PCNX3: variants seen among roughly 807,000 people sequenced by gnomAD.
PCNX3 encodes the protein pecanex-like protein 3.
PCNX3 carries 58 observed loss-of-function variants against 207.2 expected under a neutral mutation model. That is an observed-to-expected ratio of 0.28 (90% CI 0.23 to 0.35). The LOEUF (loss-of-function observed/expected upper bound fraction) is 0.35. Ranked by LOEUF, PCNX3 falls within the 10% of genes least tolerant of loss-of-function variation. The probability of loss-of-function intolerance (pLI) is 1.00; values close to 1 mark genes in which losing one functional copy is unlikely to be tolerated. For missense variants in PCNX3, 2,410 were observed against 2,774.4 expected, an observed-to-expected ratio of 0.87 and a Z score of 2.95; for synonymous variants, 1,337 against 1,183.5, an observed-to-expected ratio of 1.13 and a Z score of -2.66.
Position 65,624,532 on chromosome 11 carries a change from C to T in PCNX3, c.2778C>T (p.Cys926=), listed in dbSNP as rs1224980113. Residue 926 remains cysteine (C), a synonymous_variant, in exon 15 of 35, where the codon TGC becomes TGT. Transcript: ENST00000355703. The part of the protein sequence containing the change: ...LLGLLPQVNT[C]LMYLLEQIDM... ...GCCTCCTGCCCCAGGTCAACACCTGCCTCATGTACCTGCTGGAGCAAATAG... is the reference window on the plus strand; with the variant it reads ...GCCTCCTGCCCCAGGTCAACACCTGTCTCATGTACCTGCTGGAGCAAATAG... 5 of 1,609,330 alleles carry T rather than the reference C, an allele frequency of 3.1e-6. No individual in the cohort carries two copies. The highest frequency in any genetic ancestry group is 2.2e-5 in the East Asian group (1 of 44,770).
chr11:65,617,210 G>A (rs949548670), intron 2 of PCNX3, 40 bp from the exon 3 acceptor site: 161 of 1,542,300 alleles, frequency 1.0e-4, no homozygotes, highest in Non-Finnish European at 1.3e-4. Flanking sequence ...ATACACAGAG[G>A]AGAGGTTAGC....
In PCNX3 at chr11:65,618,477, C is replaced by T. The variant is rs1313936041; in HGVS notation, c.1115C>T (p.Pro372Leu). 8.7e-6 allele frequency: 14 copies of T among 1,608,286 alleles called. No individual in the cohort carries two copies. Among genetic ancestry groups the T allele is most frequent in the Middle Eastern group, 3.3e-4 (2 of 6,078 alleles). Residue 372 changes from proline to leucine, a missense_variant, in exon 6 of 35, where the codon CCG becomes CTG. Transcript: ENST00000355703. ...FDTVIGAGTPPGLAEPLLVVR... is the reference protein window; with the variant it reads ...FDTVIGAGTPLGLAEPLLVVR... The stretch of plus-strand genomic sequence containing the variant: ...ACGGTCATTGGAGCAGGGACGCCAC[C>T]GGGCCTGGCTGAGCCGCTCCTGGTC...
rs201643872 is a variant in PCNX3, at chr11:65,635,229, G to A, written c.4965G>A (p.Thr1655=). The change falls in exon 31 of 35, where the codon ACG becomes ACA. Residue 1655 remains threonine (T), a synonymous_variant. Transcript: ENST00000355703. The surrounding 1 kb of genome is among the most constrained non-coding windows in gnomAD (Gnocchi z 9.9). The stretch of plus-strand genomic sequence containing the variant: ...GTCTTCTCTACCAGGACCACTTCAC[G>A]TCCCCAGATGAATATGAGGAGCCAG... ...MALKLHQDHF[T]SPDEYEEPAA... 9 of 1,587,066 alleles carry A rather than the reference G, an allele frequency of 5.7e-6. No homozygotes were observed. The highest frequency in any genetic ancestry group is 2.3e-5 in the East Asian group (1 of 43,286).
Position 65,625,043 on chromosome 11 carries a change from A to G in PCNX3, c.2919+27A>G, listed in dbSNP as rs1294031997. 6.2e-7 allele frequency: 1 copy of G among 1,601,184 alleles called. No individual in the cohort carries two copies. The highest frequency in any genetic ancestry group is 8.5e-7 in the Non-Finnish European group (1 of 1,171,236). Reference sequence around the variant, plus strand: ...TAGGGGTGGCTTGCGAGGTGGGGGCATGCTGCAGTGCGTAAGGGTGGTTGG... The same window carrying G: ...TAGGGGTGGCTTGCGAGGTGGGGGCGTGCTGCAGTGCGTAAGGGTGGTTGG... On this transcript the variant is annotated intron_variant, in intron 16 of 34. Coordinates refer to ENST00000355703, the MANE Select transcript of PCNX3 (RefSeq NM_032223.4). This position sits in a 1 kb window ranked among gnomAD's most constrained non-coding sequence, Gnocchi z 5.6.
In PCNX3 at chr11:65,618,876, G is replaced by T. The variant is rs199910217; in HGVS notation, c.1514G>T (p.Ser505Ile). 378 of 1,610,602 alleles carry T rather than the reference G, an allele frequency of 2.3e-4. No homozygotes were observed. The highest frequency in any genetic ancestry group is 3.1e-4 in the Non-Finnish European group (370 of 1,179,094). ...GCTAAAACACATGCCCGTGTGCTGA[G>T]CATGGATGGGGCTGGGGGTGATGTT... ...ASAKTHARVL[S>I]MDGAGGDVLR... Residue 505 changes from serine (S) to isoleucine (I), a missense_variant, in exon 6 of 35, where the codon AGC becomes ATC. Coordinates refer to ENST00000355703, the MANE Select transcript of PCNX3 (RefSeq NM_032223.4).
chr11:65,617,377 C>T (rs375864458), intron 3 of PCNX3, 28 bp downstream of exon 3: 18 of 1,613,172 alleles, frequency 1.1e-5, no homozygotes, highest in African/African-American at 2.7e-5. Flanking sequence ...TCAGCTTGTC[C>T]TCCTGTCCCT....
Position 65,618,658 on chromosome 11 carries a change from G to C in PCNX3, c.1296G>C (p.Pro432=). The change falls in exon 6 of 35, where the codon CCG becomes CCC. Residue 432 remains proline (P), a synonymous_variant. Coordinates refer to ENST00000355703, the MANE Select transcript of PCNX3 (RefSeq NM_032223.4). ...CTAGTGAGGGCAGTGAACTGAGCCCGGCCTCCAGTCTCCGATCGCAGCGCC... is the reference window on the plus strand; with the variant it reads ...CTAGTGAGGGCAGTGAACTGAGCCCCGCCTCCAGTCTCCGATCGCAGCGCC... ...EDTSEGSELS[P]ASSLRSQRRY... The C allele has an allele frequency of 1.2e-6, 2 of 1,613,218 alleles. No individual in the cohort carries two copies. Among genetic ancestry groups the C allele is most frequent in the Non-Finnish European group, 1.7e-6 (2 of 1,179,838 alleles).
At position 65,625,122 on chromosome 11, in the gene PCNX3, G is replaced by T; in HGVS notation, c.2920-49G>T. ...GGCTTCTCACACGGGGGCAGCCCGG[G>T]CCCCATGCTTACCTCACCTCCCCTG... On this transcript the variant is annotated intron_variant, in intron 16 of 34. Transcript: ENST00000355703. This position sits in a 1 kb window ranked among gnomAD's most constrained non-coding sequence, Gnocchi z 5.6. 6.4e-7 allele frequency: 1 copy of T among 1,560,254 alleles called. No homozygotes were observed. Among genetic ancestry groups the T allele is most frequent in the Non-Finnish European group, 8.7e-7 (1 of 1,144,318 alleles).
At position 65,630,370 on chromosome 11, in the gene PCNX3, C is replaced by T. The variant is rs369566849; in HGVS notation, c.4236C>T (p.Arg1412=). The change falls in exon 27 of 35, where the codon CGC becomes CGT. Residue 1412 remains arginine (R), a synonymous_variant. Transcript: ENST00000355703. ...CCACAGGCACTTACTGCCAGCAGCG[C>T]GAGGTGGAGGCTATCACCGAGGGTG... is the stretch of plus-strand genomic sequence containing the variant. ...LEFRGTYCQQ[R]EVEAITEGVE... The T allele has an allele frequency of 9.9e-5, 160 of 1,613,234 alleles. No individual in the cohort carries two copies. The highest frequency in any genetic ancestry group is 1.5e-4 in the Admixed American group (9 of 60,016).
chr11:65,629,841 C>T (rs1284470159), intron 26 of PCNX3, 106 bp downstream of exon 26: 1 of 1,304,820 alleles, frequency 7.7e-7, no homozygotes, highest in Non-Finnish European at 1.1e-6. Flanking sequence ...TCTGTCCAGG[C>T]TGGCGGGTGG....
Position 65,636,442 on chromosome 11 carries a change from C to T in PCNX3, c.5645C>T (p.Ser1882Phe). 1 of 1,558,182 alleles carries T rather than the reference C, an allele frequency of 6.4e-7. No homozygotes were observed. Among genetic ancestry groups the T allele is most frequent in the Non-Finnish European group, 8.7e-7 (1 of 1,153,748 alleles). ...GGCCCTGGCTGGGGGCCGCGGTCCT[C>T]CCTGAGTGGCTCTGGTGATGGGCGG... Reference protein sequence around the residue: ...PPGPGWGPRSSLSGSGDGRPP... With the variant: ...PPGPGWGPRSFLSGSGDGRPP... The change falls in exon 34 of 35, where the codon TCC (serine) becomes TTC (phenylalanine). Residue 1882 changes from serine to phenylalanine, a missense_variant. Around this residue, in one of 8 missense-constraint regions of PCNX3, gnomAD observed 278 missense variants for 245.1 expected, o/e 1.13. Transcript: ENST00000355703.
In PCNX3 at chr11:65,617,722, G is replaced by A. The variant is rs948394761; in HGVS notation, c.577+16G>A. 18 of 1,553,132 alleles carry A rather than the reference G, an allele frequency of 1.2e-5. No individual in the cohort carries two copies. The highest frequency in any genetic ancestry group is 7.8e-5 in the Admixed American group (4 of 51,162). On this transcript the variant is annotated intron_variant, in intron 5 of 34. Coordinates refer to ENST00000355703, the MANE Select transcript of PCNX3 (RefSeq NM_032223.4). Reference sequence around the variant, plus strand: ...GAGAAACTGAGTGCGTGGGCCTTATGGGGCCGAGGCTTGTGGGCTAGACCA... The same window carrying A: ...GAGAAACTGAGTGCGTGGGCCTTATAGGGCCGAGGCTTGTGGGCTAGACCA...
intron 27 of PCNX3, 54 bp from the exon 28 acceptor site, chr11:65,634,072 C>A: frequency 6.7e-7 from 1 of 1,498,758 alleles, no homozygotes; most frequent in South Asian, 1.2e-5. Context: ...CATGCTTTCT[C>A]CTCCAGTGGC....
rs376075048 is a variant in PCNX3, at chr11:65,625,776, G to A, written c.3228+32G>A. On this transcript the variant is annotated intron_variant, in intron 19 of 34. Transcript: ENST00000355703. The surrounding 1 kb of genome is among the most constrained non-coding windows in gnomAD (Gnocchi z 5.6). ...GTGGCATGGGCCGCTGCTGCCTCTC[G>A]CTGTCTTGGCGGGAGCCTGCTCAAT... 2.2e-5 allele frequency: 35 copies of A among 1,600,818 alleles called. No individual in the cohort carries two copies. The highest frequency in any genetic ancestry group is 2.6e-5 in the Non-Finnish European group (31 of 1,175,570).
In PCNX3 at chr11:65,618,588, G is replaced by T. The variant is rs1338299062; in HGVS notation, c.1226G>T (p.Arg409Leu). Residue 409 changes from arginine (R) to leucine (L), a missense_variant, in exon 6 of 35, where the codon CGA (arginine) becomes CTA (leucine). By Grantham distance (102) the Arg-to-Leu change is moderately radical. Transcript: ENST00000355703. ...RRHSPPGRAPRRPLLEGGGFF... is the reference protein window; with the variant it reads ...RRHSPPGRAPLRPLLEGGGFF... ...CACTCTCCACCTGGCCGTGCCCCTCGACGGCCCCTGCTTGAAGGTGGGGGC... is the reference window on the plus strand; with the variant it reads ...CACTCTCCACCTGGCCGTGCCCCTCTACGGCCCCTGCTTGAAGGTGGGGGC... 5 of 1,611,950 alleles carry T rather than the reference G, an allele frequency of 3.1e-6. No homozygotes were observed. In the Admixed American group the frequency reaches 5.0e-5, roughly 16 times the overall value.
chr11:65,634,069 T>C, intron 27 of PCNX3, 57 bp from the exon 28 acceptor site: 3 of 1,479,082 alleles, frequency 2.0e-6, no homozygotes, highest in Non-Finnish European at 2.8e-6. Flanking sequence ...CTCCATGCTT[T>C]CTCCTCCAGT....
intron 27 of PCNX3, among the ~76,000 whole-genome samples, chr11:65,633,888 C>A (rs1234714922): frequency 6.6e-6 from 1 of 152,248 alleles, no homozygotes; most frequent in African/African-American, 2.4e-5. Flanking sequence ...CTAGCCCCAG[C>A]ACAGGACTTC....
Position 65,636,490 on chromosome 11 carries a change from C to G in PCNX3, c.5693C>G (p.Pro1898Arg). 6.3e-7 allele frequency: 1 copy of G among 1,574,956 alleles called. No individual in the cohort carries two copies. Among genetic ancestry groups the G allele is most frequent in the South Asian group, 1.2e-5 (1 of 86,940 alleles). ...CGGCCCCCACCTCTGCTGCAGTGGC[C>G]TCCCCCTCGGCTCCCTGGACCACCC... ...DGRPPPLLQW[P>R]PPRLPGPPPA... is the part of the protein sequence containing the mutation. Residue 1898 changes from proline (P) to arginine (R), a missense_variant, in exon 34 of 35, where the codon CCT becomes CGT. Physicochemically the swap from Pro to Arg is moderately radical, Grantham distance 103. Coordinates refer to ENST00000355703, the MANE Select transcript of PCNX3 (RefSeq NM_032223.4).
In PCNX3 at chr11:65,635,920, C is replaced by A. The variant is rs1037446257; in HGVS notation, c.5459+117C>A. 1 of 1,395,900 alleles carries A rather than the reference C, an allele frequency of 7.2e-7. No individual in the cohort carries two copies. Among genetic ancestry groups the A allele is most frequent in the Non-Finnish European group, 9.5e-7 (1 of 1,049,620 alleles). 86.5% of individuals were successfully genotyped at this position (1,395,900 alleles called of 1,614,324 possible). A position where few individuals can be genotyped will look rare whatever the true frequency, so the allele number is the denominator to read the frequency against. The stretch of plus-strand genomic sequence containing the variant: ...CCAGGGCTTGAATCCCGAGAGATGA[C>A]CCCCTCCCAGAGCTGACCTGCCCCT... On this transcript the variant is annotated intron_variant, in intron 32 of 34. Coordinates refer to ENST00000355703, the MANE Select transcript of PCNX3 (RefSeq NM_032223.4). This position sits in a 1 kb window ranked among gnomAD's most constrained non-coding sequence, Gnocchi z 9.9.
Sources: gnomAD v4.1 joint callset for allele counts (sites outside exome capture counted in the v4.1 genomes callset) on GRCh38, gnomAD v4.1.1 for gene constraint, gnomAD v4.1.1 regional missense constraint, Gnocchi (gnomAD v3.1) non-coding constraint, MANE v1.5 for transcripts, NCBI Gene and HGNC (gene_info 2026-07-23, HGNC 2026-07-21) for gene names.